The following FAM234B variants were observed in gnomAD, a reference collection of about 807,000 sequenced individuals.
FAM234B encodes family with sequence similarity 234 member B, also known as protein FAM234B.
A neutral mutation model predicts 69.3 loss-of-function variants in FAM234B; 33 were observed. The observed-to-expected ratio is 0.48, with a 90% CI of 0.36 to 0.64. The LOEUF (loss-of-function observed/expected upper bound fraction) is 0.64, where lower values mean the gene tolerates loss of function less well. Among genes scored for constraint, FAM234B ranks in the 30% least tolerant of loss-of-function variants. The pLI is 0.00. For missense variants in FAM234B, 697 were observed against 769.7 expected (o/e 0.91, Z 1.12); for synonymous variants, 306 against 306.9 (o/e 1.00, Z 0.03).
chr12:13,063,831 A>G (rs1268047473), intron 5 of FAM234B, among the ~76,000 whole-genome samples: 4 of 152,220 alleles, frequency 2.6e-5, no homozygotes, highest in Admixed American at 6.5e-5. Flanking sequence ...CTTGTGCACA[A>G]AAGAGTCAAA....
At chr12:13,073,153 C>CTTTTTTTTTTT (rs200786648) in intron 10 of FAM234B, among the ~76,000 whole-genome samples, 1 of 142,504 alleles carries the variant, frequency 7.0e-6, no homozygotes, top group Non-Finnish European at 1.5e-5. Flanking sequence ...CTTTTTTTGT[C>CTTTTTTTTTTT]TTTTTTTTTT....
At chr12:13,055,523 T>C (rs770139802) in intron 1 of FAM234B, 28 bp from the exon 2 acceptor site, 1 of 1,558,966 alleles carries the variant, frequency 6.4e-7, no homozygotes, top group Non-Finnish European at 8.7e-7. Context: ...CCAGTTCCCC[T>C]TGACTCTCTG....
chr12:13,080,697 G>T lies in FAM234B; in HGVS notation c.*67G>T, dbSNP rs1865216148. On this transcript the variant is annotated 3_prime_UTR_variant, in exon 13 of 13. Coordinates refer to ENST00000197268, the MANE Select transcript of FAM234B (RefSeq NM_020853.2). ...ATACCCTCTCTACTCTCCTGTCACT[G>T]TAAAATCAGTTCTATGGAGAGAAGA... is the stretch of plus-strand genomic sequence containing the variant. The T allele has an allele frequency of 3.8e-6, 5 of 1,327,014 alleles. No homozygotes were observed. In the Admixed American group the frequency reaches 8.7e-5, roughly 23 times the overall value. 82.2% of individuals were successfully genotyped at this position (1,327,014 alleles called of 1,614,324 possible).
rs1865238139 is a variant in FAM234B at position 13,082,039 on chromosome 12, A to T, written c.*1409A>T. 1 of 143,474 alleles carries T rather than the reference A, an allele frequency of 7.0e-6. No individual in the cohort carries two copies. Among genetic ancestry groups the T allele is most frequent in the Non-Finnish European group, 1.5e-5 (1 of 66,996 alleles). The allele number at this position is 143,474 out of a possible 1,614,324, so 8.9% of individuals were successfully genotyped here. ...AGTGGCACAATCTCGGCTCACTGCA[A>T]CCTTCGCCTCCTGGGTTCAAGCGAT... On this transcript the variant is annotated 3_prime_UTR_variant, in exon 13 of 13. Transcript: ENST00000197268.
intron 6 of FAM234B, 167 bp from the exon 7 acceptor site, chr12:13,066,988 C>G (rs1474184859): frequency 1.1e-6 from 1 of 939,394 alleles, no homozygotes; most frequent in African/African-American, 1.7e-5. Flanking sequence ...AGGGAAGACT[C>G]TTGTCCAGCA....
At chr12:13,063,041 C>T (rs1865001060) in intron 5 of FAM234B, 66 bp downstream of exon 5, 2 of 1,524,878 alleles carry the variant, frequency 1.3e-6, no homozygotes, top group Non-Finnish European at 1.8e-6. Context: ...TGTCTCAGCT[C>T]CTAGTGTTAC....
chr12:13,054,914 T>C (rs1864912839), intron 1 of FAM234B, among the ~76,000 whole-genome samples: 1 of 152,216 alleles, frequency 6.6e-6, no homozygotes, highest in East Asian at 1.9e-4. Context: ...GAATACTTGC[T>C]CAGAAGAGCA....
chr12:13,055,687 A>G lies in FAM234B; in HGVS notation c.174A>G (p.Pro58=), dbSNP rs1212489557. The change falls in exon 2 of 13, where the codon CCA becomes CCG. Residue 58 remains proline, a synonymous_variant. Transcript: ENST00000197268. ...KNGKSPLGEA[P]EPDSDAEVAE... is the part of the protein sequence containing the mutation. ...GGAAGAGTCCTTTGGGAGAAGCGCCAGAACCCGACTCAGATGCTGAGGTTG... is the reference window on the plus strand; with the variant it reads ...GGAAGAGTCCTTTGGGAGAAGCGCCGGAACCCGACTCAGATGCTGAGGTTG... The G allele has an allele frequency of 2.5e-5, 40 of 1,614,150 alleles. No homozygotes were observed. Among genetic ancestry groups the G allele is most frequent in the Non-Finnish European group, 3.3e-5 (39 of 1,180,054 alleles).
intron 3 of FAM234B, among the ~76,000 whole-genome samples, chr12:13,061,370 T>C (rs1476593415): frequency 6.6e-6 from 1 of 152,176 alleles, no homozygotes; most frequent in African/African-American, 2.4e-5. Flanking sequence ...CCACAGCTCT[T>C]GTCTTACATG....
In FAM234B at chr12:13,083,100, T is replaced by A. The variant is rs1205572438; in HGVS notation, c.*2470T>A. On this transcript the variant is annotated 3_prime_UTR_variant, in exon 13 of 13. Coordinates refer to ENST00000197268, the MANE Select transcript of FAM234B (RefSeq NM_020853.2). ...TTGTGAAATGTGTCCCTAAGCCTCC[T>A]TCTCCTTGCAGGCAGCCACCCACCC... 1 of 152,226 alleles carries A rather than the reference T, an allele frequency of 6.6e-6. No homozygotes were observed. Among genetic ancestry groups the A allele is most frequent in the Non-Finnish European group, 1.5e-5 (1 of 68,024 alleles). 9.4% of individuals were successfully genotyped at this position (152,226 alleles called of 1,614,324 possible). A position where few individuals can be genotyped will look rare whatever the true frequency, so the allele number is the denominator to read the frequency against.
At chr12:13,077,695 A>G (rs1865177413) in intron 11 of FAM234B, among the ~76,000 whole-genome samples, 1 of 151,682 alleles carries the variant, frequency 6.6e-6, no homozygotes, top group South Asian at 2.1e-4. Flanking sequence ...GGTTGGTTCC[A>G]AGTCTTTGCT....
At chr12:13,073,778 A>G (rs532161237) in intron 10 of FAM234B, among the ~76,000 whole-genome samples, 1 of 152,316 alleles carries the variant, frequency 6.6e-6, no homozygotes, top group African/African-American at 2.4e-5. Context: ...AGTGGTGGCT[A>G]TTGTTTGTGC....
intron 10 of FAM234B, among the ~76,000 whole-genome samples, chr12:13,074,670 A>G (rs1356484850): frequency 2.0e-5 from 3 of 152,300 alleles, no homozygotes; most frequent in Admixed American, 1.3e-4. Flanking sequence ...TTCATTCTGT[A>G]GGCAGTGAGG....
At chr12:13,048,810 T>A (rs910776951) in intron 1 of FAM234B, among the ~76,000 whole-genome samples, 1 of 152,200 alleles carries the variant, frequency 6.6e-6, no homozygotes, top group African/African-American at 2.4e-5. Flanking sequence ...GGTCTTACAG[T>A]TCTGTGTGCC....
At chr12:13,046,147 C>T (rs372755000) in intron 1 of FAM234B, among the ~76,000 whole-genome samples, 1 of 94,090 alleles carries the variant, frequency 1.1e-5, no homozygotes. Flanking sequence ...AAAATGTTCA[C>T]TTGCGTCTAC....
At chr12:13,053,184 A>G (rs1027156945) in intron 1 of FAM234B, among the ~76,000 whole-genome samples, 2 of 152,240 alleles carry the variant, frequency 1.3e-5, no homozygotes, top group East Asian at 3.8e-4. Flanking sequence ...ATAAAAATAA[A>G]TAGAAATAAT....
At chr12:13,045,595 C>T (rs1043713488) in intron 1 of FAM234B, among the ~76,000 whole-genome samples, 5 of 151,728 alleles carry the variant, frequency 3.3e-5, no homozygotes, top group African/African-American at 1.2e-4. Context: ...GCGTTTCTGT[C>T]CCCAGACTTC....
chr12:13,072,484 C>A (rs1475706266), intron 10 of FAM234B, among the ~76,000 whole-genome samples: 2 of 152,080 alleles, frequency 1.3e-5, no homozygotes, highest in Non-Finnish European at 2.9e-5. Context: ...GTAATCCCAG[C>A]ACTTTGGGAG....
At chr12:13,074,517 G>T (rs1159220666) in intron 10 of FAM234B, among the ~76,000 whole-genome samples, 1 of 152,156 alleles carries the variant, frequency 6.6e-6, no homozygotes, top group African/African-American at 2.4e-5. Flanking sequence ...ATTGGCAACG[G>T]TTAGGCAGAG....
Sources: gnomAD v4.1 joint callset for allele counts (sites outside exome capture counted in the v4.1 genomes callset) on GRCh38, gnomAD v4.1.1 for gene constraint, MANE v1.5 for transcripts, NCBI Gene and HGNC (gene_info 2026-07-23, HGNC 2026-07-21) for gene names.